Variants in CDH17 observed in about 807,000 individuals in gnomAD.
CDH17 encodes cadherin-17.
Under a neutral mutation model 86.3 loss-of-function variants are expected in CDH17, and 67 were observed. That is an observed-to-expected ratio of 0.78 (90% CI 0.64 to 0.95). CDH17 has a LOEUF of 0.95. Ranked by LOEUF, CDH17 falls within the 40% of genes least tolerant of loss-of-function variation. CDH17 has a pLI of 0.00. For synonymous variants in CDH17, 367 were observed against 366.4 expected (o/e 1.00, Z -0.02); for missense variants, 993 against 1,017.6 (o/e 0.98, Z 0.33).
chr8:94,165,477 T>G (rs1259220449), intron 10 of CDH17, among the ~76,000 whole-genome samples: 1 of 152,152 alleles, frequency 6.6e-6, no homozygotes, highest in Non-Finnish European at 1.5e-5. Flanking sequence ...CCTTCCGCAA[T>G]TTTTTCTCAC....
chr8:94,165,996 GA>G lies in CDH17; in HGVS notation c.1067-21del. The G allele has an allele frequency of 6.7e-7, 1 of 1,487,806 alleles. No individual in the cohort carries two copies. The highest frequency in any genetic ancestry group is 2.3e-5 in the East Asian group (1 of 44,136). The allele number at this position is 1,487,806 out of a possible 1,614,324, so 92.2% of individuals were successfully genotyped here. ...TGTTACCTATGAGGAAGGAAAGAAG[GA>G]AAACCCACCATTACAGGCTCCACAT... On this transcript the variant is annotated intron_variant, in intron 9 of 17. Transcript: ENST00000027335.
chr8:94,146,251 A>G, intron 14 of CDH17, 84 bp from the exon 15 acceptor site: 15 of 1,295,338 alleles, frequency 1.2e-5, no homozygotes, highest in South Asian at 6.3e-5. Flanking sequence ...TTAAAATTCA[A>G]GGAGTTAGGT....
At chr8:94,139,253 G>GA (rs745421920) in intron 15 of CDH17, among the ~76,000 whole-genome samples, 3 of 151,716 alleles carry the variant, frequency 2.0e-5, no homozygotes, top group Non-Finnish European at 4.4e-5. Flanking sequence ...AATATAGCAG[G>GA]AAAAAACAGT....
chr8:94,204,025 A>C (rs1813974747), intron 1 of CDH17, among the ~76,000 whole-genome samples: 1 of 152,196 alleles, frequency 6.6e-6, no homozygotes, highest in African/African-American at 2.4e-5. Context: ...GGCTCACGGG[A>C]GGCTAAATGG....
chr8:94,172,748 G>A (rs1047783809), intron 7 of CDH17, among the ~76,000 whole-genome samples: 1 of 152,170 alleles, frequency 6.6e-6, no homozygotes, highest in African/African-American at 2.4e-5. Flanking sequence ...TCAAATCTGG[G>A]TGGAGTCCAG....
chr8:94,143,523 A>G (rs1812678220), intron 15 of CDH17, among the ~76,000 whole-genome samples: 1 of 152,208 alleles, frequency 6.6e-6, no homozygotes, highest in Non-Finnish European at 1.5e-5. Context: ...GAGGCTTTGA[A>G]GCCAGGCATT....
intron 10 of CDH17, among the ~76,000 whole-genome samples, chr8:94,163,341 G>A (rs917605862): frequency 6.6e-6 from 1 of 152,214 alleles, no homozygotes; most frequent in Admixed American, 6.5e-5. Flanking sequence ...AGCCCAAGGG[G>A]CTGACCTTAT....
At chr8:94,181,309 A>G (rs1268850436) in intron 3 of CDH17, among the ~76,000 whole-genome samples, 1 of 152,196 alleles carries the variant, frequency 6.6e-6, no homozygotes, top group Admixed American at 6.5e-5. Flanking sequence ...AGACTTGAAC[A>G]ATACTATAAA....
chr8:94,138,461 G>C (rs1308603399), intron 15 of CDH17, among the ~76,000 whole-genome samples: 1 of 152,186 alleles, frequency 6.6e-6, no homozygotes, highest in Non-Finnish European at 1.5e-5. Context: ...CAGGAGCTCA[G>C]ACAGAGCCCA....
intron 1 of CDH17, among the ~76,000 whole-genome samples, chr8:94,216,997 T>A (rs1714294668): frequency 6.6e-6 from 1 of 152,204 alleles, no homozygotes; most frequent in Non-Finnish European, 1.5e-5. Context: ...GCTCTGCATC[T>A]CAATCTTCAC....
intron 15 of CDH17, 35 bp from the exon 16 acceptor site, chr8:94,131,027 T>A (rs1317441994): frequency 9.3e-7 from 1 of 1,072,200 alleles, no homozygotes; most frequent in South Asian, 1.3e-5. Flanking sequence ...AAAATACAAC[T>A]TCAGACCCTG....
At chr8:94,159,866 G>A in intron 12 of CDH17, 105 bp downstream of exon 12, 1 of 773,846 alleles carries the variant, frequency 1.3e-6, no homozygotes, top group Non-Finnish European at 1.9e-6. Context: ...CCATGCCTGA[G>A]AGATGGCTGC....
intron 1 of CDH17, among the ~76,000 whole-genome samples, chr8:94,200,056 G>A (rs1367406975): frequency 1.3e-5 from 2 of 152,136 alleles, no homozygotes; most frequent in African/African-American, 4.8e-5. Context: ...AGCCTACACA[G>A]GAACATCCTC....
chr8:94,137,704 A>G (rs1812558007), intron 15 of CDH17, among the ~76,000 whole-genome samples: 1 of 152,182 alleles, frequency 6.6e-6, no homozygotes, highest in South Asian at 2.1e-4. Context: ...CAAAAAGTAA[A>G]AAAAAACCTA....
intron 12 of CDH17, among the ~76,000 whole-genome samples, chr8:94,155,367 G>A (rs1285140251): frequency 6.6e-6 from 1 of 151,946 alleles, no homozygotes; most frequent in Non-Finnish European, 1.5e-5. Context: ...GACCAAGCAG[G>A]AAGGCAGCAG....
intron 1 of CDH17, among the ~76,000 whole-genome samples, chr8:94,205,013 CA>C (rs958582500): frequency 3.3e-5 from 5 of 152,262 alleles, no homozygotes; most frequent in African/African-American, 1.2e-4. Context: ...TGACCTTGTG[CA>C]GAAGGATATA....
chr8:94,192,906 G>C (rs879622884), intron 2 of CDH17, among the ~76,000 whole-genome samples: 1 of 152,208 alleles, frequency 6.6e-6, no homozygotes, highest in African/African-American at 2.4e-5. Flanking sequence ...TCGCAGTCTG[G>C]AGTAAATTAG....
At chr8:94,197,845 A>G (rs910319605) in intron 1 of CDH17, among the ~76,000 whole-genome samples, 19 of 149,484 alleles carry the variant, frequency 1.3e-4, no homozygotes, top group East Asian at 1.9e-4. Flanking sequence ...AAAAAAAAAA[A>G]AAAGAAAAAA....
rs1812804639 is a variant in CDH17 at position 94,148,886 on chromosome 8, G to A, written c.1797-12C>T. 2 of 1,594,376 alleles carry A rather than the reference G, an allele frequency of 1.3e-6. No homozygotes were observed. Among genetic ancestry groups the A allele is most frequent in the African/African-American group, 2.7e-5 (2 of 73,378 alleles). On this transcript the variant is annotated splice_polypyrimidine_tract_variant and intron_variant, in intron 13 of 17. Transcript: ENST00000027335. Reference sequence around the variant, plus strand: ...CCCTCAGTGAATAGCTTCATCAAATGAAAAGAGCAAAAGAAAGCCTGCATT... The same window carrying A: ...CCCTCAGTGAATAGCTTCATCAAATAAAAAGAGCAAAAGAAAGCCTGCATT...
Sources: allele counts gnomAD v4.1 joint callset (sites outside exome capture counted in the v4.1 genomes callset), GRCh38; gene constraint gnomAD v4.1.1; transcripts MANE v1.5; gene names NCBI Gene and HGNC (gene_info 2026-07-23, HGNC 2026-07-21).